Variants in SOX5 observed in about 807,000 individuals in gnomAD.
The protein encoded by SOX5 is SRY-box transcription factor 5, also known as transcription factor SOX-5.
Under a neutral mutation model 92.0 loss-of-function variants are expected in SOX5, and 9 were observed. The observed-to-expected ratio is 0.10, with a 90% CI of 0.06 to 0.17. SOX5 has a LOEUF of 0.17. Among genes scored for constraint, SOX5 ranks in the 10% least tolerant of loss-of-function variants. SOX5 has a pLI of 1.00. For missense variants in SOX5, 642 were observed against 944.5 expected (o/e 0.68, Z 4.20); for synonymous variants, 344 against 336.3 (o/e 1.02, Z -0.25).
chr12:24,132,324 G>A (rs1161558934), intron 4 of SOX5, among the ~76,000 whole-genome samples: 1 of 152,156 alleles, frequency 6.6e-6, no homozygotes, highest in Non-Finnish European at 1.5e-5. Flanking sequence ...GAAGAGCAAA[G>A]CTTCCCAACA....
At chr12:23,667,525 A>G (rs553691238) in intron 6 of SOX5, among the ~76,000 whole-genome samples, 39 of 152,296 alleles carry the variant, frequency 2.6e-4, no homozygotes, top group African/African-American at 9.4e-4. Flanking sequence ...TAAAGCTGAG[A>G]AAGACCCTAG....
chr12:23,950,526 C>G (rs756068432), upstream of SOX5, among the ~76,000 whole-genome samples: 5 of 152,094 alleles, frequency 3.3e-5, no homozygotes, highest in Non-Finnish European at 7.3e-5. Context: ...TATCCACATG[C>G]CAAAATAACA....
intron 4 of SOX5, among the ~76,000 whole-genome samples, chr12:24,126,466 C>T (rs1949115436): frequency 6.6e-6 from 1 of 152,196 alleles, no homozygotes; most frequent in Non-Finnish European, 1.5e-5. Flanking sequence ...TCACACCATG[C>T]TATCCTTACT....
At chr12:24,341,444 C>T (rs1952564540) in intron 2 of SOX5, among the ~76,000 whole-genome samples, 1 of 152,240 alleles carries the variant, frequency 6.6e-6, no homozygotes, top group South Asian at 2.1e-4. Flanking sequence ...CACCACTTCA[C>T]TCCACCTGGG....
chr12:23,709,012 A>G (rs1184686444), intron 6 of SOX5, among the ~76,000 whole-genome samples: 1 of 152,192 alleles, frequency 6.6e-6, no homozygotes, highest in Admixed American at 6.6e-5. Flanking sequence ...GTATTGACTA[A>G]GAATCATTTC....
rs549657501 is a variant in SOX5, at chr12:23,957,924, C to T, written c.-1-61900G>A. ...AAGATAAATTAATGTTTGTAATTTG[C>T]CCTGATGCTGAAGAACTGCTTGGGT... On this transcript the variant is annotated intron_variant, in intron 4 of 4. Transcript: ENST00000446891. Among the ~76,000 whole-genome samples the T allele has an allele frequency of 1.2e-4, 18 of 152,022 alleles. No homozygotes were observed. In the South Asian group the frequency reaches 1.2e-3, roughly 11 times the overall value.
At chr12:24,080,506 G>A (rs909665489) in intron 4 of SOX5, among the ~76,000 whole-genome samples, 11 of 151,960 alleles carry the variant, frequency 7.2e-5, no homozygotes, top group African/African-American at 2.7e-4. Context: ...TAATTTTTGT[G>A]TGCATTTATG....
intron 2 of SOX5, among the ~76,000 whole-genome samples, chr12:24,289,493 G>A (rs1251292337): frequency 1.9e-5 from 2 of 107,640 alleles, no homozygotes; most frequent in Non-Finnish European, 3.3e-5. Flanking sequence ...TCGCTCTGTC[G>A]CCCAGGCTGG....
intron 4 of SOX5, among the ~76,000 whole-genome samples, chr12:24,155,912 A>C (rs994788671): frequency 6.6e-6 from 1 of 152,260 alleles, no homozygotes; most frequent in Admixed American, 6.5e-5. Flanking sequence ...CAGTAGATAT[A>C]GAAAGAGCGG....
At chr12:23,850,662 T>C (rs928820938) in intron 2 of SOX5, among the ~76,000 whole-genome samples, 2 of 152,164 alleles carry the variant, frequency 1.3e-5, no homozygotes, top group Admixed American at 6.5e-5. Flanking sequence ...AATTTAGTTA[T>C]AGAAAAAATA....
At chr12:23,950,981 A>G (rs1271370811), upstream of SOX5, 2 of 317,336 alleles carry the variant, frequency 6.3e-6, no homozygotes, top group African/African-American at 2.4e-5. Flanking sequence ...ACGCATGCAC[A>G]CACACACACA....
intron 2 of SOX5, among the ~76,000 whole-genome samples, chr12:24,277,852 C>T (rs146801891): frequency 3.3e-5 from 5 of 152,186 alleles, no homozygotes; most frequent in Non-Finnish European, 5.9e-5. Flanking sequence ...ATGGTCAACA[C>T]AGTAATTGTT....
intron 1 of SOX5, among the ~76,000 whole-genome samples, chr12:24,437,218 G>A (rs1939615355): frequency 6.6e-6 from 1 of 151,140 alleles, no homozygotes; most frequent in African/African-American, 2.4e-5. Flanking sequence ...TAAGCAATGG[G>A]GAAATGATTT....
chr12:23,856,033 C>G lies in SOX5; in HGVS notation c.271-9840G>C, dbSNP rs1282805938. Among the ~76,000 whole-genome samples the G allele has an allele frequency of 2.6e-5, 4 of 152,210 alleles. No individual in the cohort carries two copies. In the East Asian group the frequency reaches 7.7e-4, roughly 29 times the overall value. ...GCAGTGAGTTGAGAAATAAGAAGCA[C>G]AAGTTTCAGTTCTCAGTCTAAAAGT... is the stretch of plus-strand genomic sequence containing the variant. On this transcript the variant is annotated intron_variant, in intron 2 of 14. Transcript: ENST00000451604.
At chr12:23,674,367 C>T (rs1486868833) in intron 6 of SOX5, among the ~76,000 whole-genome samples, 5 of 26,408 alleles carry the variant, frequency 1.9e-4, no homozygotes, top group Admixed American at 1.2e-3. Flanking sequence ...GACGGAGTTT[C>T]GCTGTTGTCA....
chr12:24,304,781 T>A (rs971281539), intron 2 of SOX5, among the ~76,000 whole-genome samples: 1 of 152,188 alleles, frequency 6.6e-6, no homozygotes, highest in Non-Finnish European at 1.5e-5. Context: ...CTTCTCCTTG[T>A]TAGCACGATT....
chr12:24,536,401 C>G (rs865931880), intron 1 of SOX5, among the ~76,000 whole-genome samples: 9 of 152,174 alleles, frequency 5.9e-5, no homozygotes, highest in African/African-American at 1.9e-4. Flanking sequence ...AGACCCTTCC[C>G]TTCAAAAGCG....
chr12:23,689,268 T>C (rs905871230), intron 6 of SOX5, among the ~76,000 whole-genome samples: 2 of 151,846 alleles, frequency 1.3e-5, no homozygotes, highest in Non-Finnish European at 2.9e-5. Context: ...CCAAATTGTA[T>C]ATTCTTAATT....
rs58736325 is a variant in SOX5, at chr12:24,082,404, GAAAAAAAAAAA to G, written c.-2+130928_-2+130938del. 3.0e-3 allele frequency among the ~76,000 whole-genome samples: 222 copies of G among 73,472 alleles called. 1 individual carries two copies. Among genetic ancestry groups the G allele is most frequent in the African/African-American group, 9.7e-3 (177 of 18,180 alleles). The allele number at this position is 73,472 out of a possible 152,430, so 48.2% of individuals were successfully genotyped here. A position where few individuals can be genotyped will look rare whatever the true frequency, so the allele number is the denominator to read the frequency against. ...TCACCAGGGCTGCTCCTTTCGAAAA[GAAAAAAAAAAA>G]AAAAAAAAAAAAAAAAAAAGATGTA... On this transcript the variant is annotated intron_variant, in intron 4 of 4. Transcript: ENST00000446891.
Sources: gnomAD v4.1 joint callset for allele counts (sites outside exome capture counted in the v4.1 genomes callset) on GRCh38, gnomAD v4.1.1 for gene constraint, MANE v1.5 for transcripts, NCBI Gene and HGNC (gene_info 2026-07-23, HGNC 2026-07-21) for gene names.